The following ITGB2 variants were observed in gnomAD, a reference collection of about 807,000 sequenced individuals.
ITGB2 encodes the protein integrin subunit beta 2, also known as integrin beta-2.
In ITGB2, 56 loss-of-function variants were observed where a neutral mutation model predicts 86.8. The observed-to-expected ratio is 0.65, with a 90% CI of 0.52 to 0.81. The LOEUF (loss-of-function observed/expected upper bound fraction) is 0.81, where lower values mean the gene tolerates loss of function less well. Ranked by LOEUF, ITGB2 falls within the 30% of genes least tolerant of loss-of-function variation. The pLI is 0.00. For missense variants in ITGB2, 948 were observed against 1,061.2 expected (o/e 0.89, Z 1.48); for synonymous variants, 457 against 450.4 (o/e 1.01, Z -0.19).
Position 44,889,259 on chromosome 21 carries a change from GCTC to G in ITGB2, c.1877+14_1877+16del. On this transcript the variant is annotated intron_variant, in intron 13 of 15. Coordinates refer to ENST00000652462, the MANE Select transcript of ITGB2 (RefSeq NM_000211.5). Reference sequence around the variant, plus strand: ...GTGGGGATCCCTGCCCGCCCTGCCTGCTCCGCCTGCACTCACATGTACTTGCCA... The same window carrying G: ...GTGGGGATCCCTGCCCGCCCTGCCTGCGCCTGCACTCACATGTACTTGCCA... The G allele has an allele frequency of 6.2e-7, 1 of 1,610,788 alleles. No homozygotes were observed. The highest frequency in any genetic ancestry group is 8.5e-7 in the Non-Finnish European group (1 of 1,178,446).
At position 44,891,808 on chromosome 21, in the gene ITGB2, C is replaced by G; in HGVS notation, c.1412+1G>C. ...TCAACAGGGACCTGCGCCCGCCTCA[C>G]CTGCAGATGCCGCACTCCAAGAAGC... On this transcript the variant is annotated splice_donor_variant, in intron 11 of 15. Transcript: ENST00000652462. LOFTEE classifies it high-confidence loss of function. 1 of 1,604,228 alleles carries G rather than the reference C, an allele frequency of 6.2e-7. No individual in the cohort carries two copies. The highest frequency in any genetic ancestry group is 8.5e-7 in the Non-Finnish European group (1 of 1,179,930).
chr21:44,893,611 C>A lies in ITGB2; in HGVS notation c.1084-67G>T, dbSNP rs921109570. On this transcript the variant is annotated intron_variant, in intron 9 of 15. Transcript: ENST00000652462. ...GTTGTCCTGGCCCTGCCTGGCCCAG[C>A]GGTTTAGACCCGTCTCCACTTCTCC... The A allele has an allele frequency of 5.6e-6, 9 of 1,594,024 alleles. No homozygotes were observed. The South Asian group carries it at 7.8e-5, about 14-fold the overall frequency.
chr21:44,887,352 G>A (rs561628610), intron 14 of ITGB2, among the ~76,000 whole-genome samples: 4 of 152,266 alleles, frequency 2.6e-5, no homozygotes, highest in African/African-American at 7.2e-5. Flanking sequence ...AGGTGAGGCC[G>A]GTGCCAGGAT....
At chr21:44,890,505 T>C (rs1297790918) in intron 11 of ITGB2, among the ~76,000 whole-genome samples, 1 of 152,172 alleles carries the variant, frequency 6.6e-6, no homozygotes, top group Non-Finnish European at 1.5e-5. Flanking sequence ...GTTGCAGCCA[T>C]GCACATGGCC....
intron 8 of ITGB2, among the ~76,000 whole-genome samples, chr21:44,896,629 C>T (rs1008439301): frequency 3.3e-5 from 5 of 152,212 alleles, no homozygotes; most frequent in African/African-American, 1.2e-4. Context: ...CACTTCCATC[C>T]GTCCCAGTCT....
chr21:44,899,407 G>A (rs990269527), intron 7 of ITGB2, among the ~76,000 whole-genome samples: 1 of 152,234 alleles, frequency 6.6e-6, no homozygotes, highest in South Asian at 2.1e-4. Context: ...GCGTCTCACC[G>A]TGGGACTGGG....
Position 44,889,371 on chromosome 21 carries a change from G to A in ITGB2, c.1782C>T (p.Gly594=). 6.2e-7 allele frequency: 1 copy of A among 1,612,812 alleles called. No homozygotes were observed. The part of the protein sequence containing the change: ...NPRRVECSGR[G]RCRCNVCECH... ...ACTCGCATACGTTGCAGCGGCACCG[G>A]CCACGACCACTACACTCAACACGCC... Residue 594 remains glycine, a synonymous_variant, in exon 13 of 16, where the codon GGC becomes GGT. Coordinates refer to ENST00000652462, the MANE Select transcript of ITGB2 (RefSeq NM_000211.5).
At chr21:44,925,146 T>C (rs1228055828), upstream of ITGB2, among the ~76,000 whole-genome samples, 1 of 151,886 alleles carries the variant, frequency 6.6e-6, no homozygotes, top group African/African-American at 2.4e-5. Context: ...TCTTTTTTTT[T>C]TTTTTAAAGG....
At chr21:44,888,393 C>T (rs369601395) in intron 14 of ITGB2, among the ~76,000 whole-genome samples, 12 of 152,260 alleles carry the variant, frequency 7.9e-5, no homozygotes, top group Admixed American at 2.6e-4. Context: ...TGGCCCGGGC[C>T]GTGTGGCATG....
intron 4 of ITGB2, among the ~76,000 whole-genome samples, 167 bp from the exon 5 acceptor site, chr21:44,903,702 G>A (rs562714826): frequency 6.6e-6 from 1 of 152,168 alleles, no homozygotes; most frequent in Non-Finnish European, 1.5e-5. Context: ...ACCAGACACA[G>A]GACATCCAGG....
rs1568906637 is a variant in ITGB2 at position 44,915,781 on chromosome 21, C to CGG, written c.-3-4998_-3-4997dup. ...CAGGTCAGATCAAATAGGAACAAGT[C>CGG]GGAGCAGAGAGGATGCAGGAAAACC... On this transcript the variant is annotated intron_variant, in intron 1 of 15. Transcript: ENST00000652462. Among the ~76,000 whole-genome samples, 5 of 152,254 alleles carry CGG rather than the reference C, an allele frequency of 3.3e-5. No individual in the cohort carries two copies. In the South Asian group the frequency reaches 1.0e-3, roughly 32 times the overall value.
At chr21:44,916,097 A>G (rs1601330220) in intron 1 of ITGB2, among the ~76,000 whole-genome samples, 3 of 152,058 alleles carry the variant, frequency 2.0e-5, no homozygotes, top group Admixed American at 2.0e-4. Flanking sequence ...TAATTTTTGT[A>G]TTTTTAGTAG....
intron 9 of ITGB2, chr21:44,894,056 T>G: frequency 4.1e-6 from 1 of 245,204 alleles, no homozygotes; most frequent in East Asian, 9.8e-5. Flanking sequence ...CAGACGGAAA[T>G]TGAGAGGAGG....
chr21:44,889,169 C>T, intron 13 of ITGB2, 107 bp downstream of exon 13: 2 of 1,108,432 alleles, frequency 1.8e-6, no homozygotes, highest in Non-Finnish European at 2.7e-6. Context: ...GCAGAGAACC[C>T]CGCGGTGCAG....
At chr21:44,903,598 G>T (rs561789289) in intron 4 of ITGB2, 63 bp from the exon 5 acceptor site, 1 of 1,591,940 alleles carries the variant, frequency 6.3e-7, no homozygotes, top group Non-Finnish European at 8.6e-7. Context: ...GTCTGGGGGC[G>T]TGTGGCCCCG....
intron 1 of ITGB2, among the ~76,000 whole-genome samples, chr21:44,914,985 A>G (rs1334706257): frequency 6.6e-6 from 1 of 151,914 alleles, no homozygotes; most frequent in East Asian, 1.9e-4. Context: ...CAGCAGAGAG[A>G]GGGCAGAGCC....
chr21:44,921,527 C>T (rs1359953400), upstream of ITGB2, among the ~76,000 whole-genome samples: 1 of 151,200 alleles, frequency 6.6e-6, no homozygotes, highest in East Asian at 1.9e-4. Context: ...TAACTAGGGA[C>T]ATTAGGAGGA....
At chr21:44,894,755 A>G in intron 9 of ITGB2, 1 of 610,244 alleles carries the variant, frequency 1.6e-6, no homozygotes, top group Non-Finnish European at 3.0e-6. Context: ...AGCATCGCCC[A>G]CAACATCAAC....
chr21:44,891,947 G>A lies in ITGB2; in HGVS notation c.1274C>T (p.Ser425Leu), dbSNP rs375122306. The change falls in exon 11 of 16, where the codon TCG becomes TTG. Residue 425 changes from serine to leucine, a missense_variant. Transcript: ENST00000652462. Reference protein sequence around the residue: ...VTATECIQEQSFVIRALGFTD... With the variant: ...VTATECIQEQLFVIRALGFTD... ...GAAGCCCAGCGCCCGGATGACAAAC[G>A]ACTGCTCCTGGATGCACTCTGTGGC... is the stretch of plus-strand genomic sequence containing the variant. 8.5e-5 allele frequency: 137 copies of A among 1,613,230 alleles called. No individual in the cohort carries two copies. Among genetic ancestry groups the A allele is most frequent in the Middle Eastern group, 1.6e-4 (1 of 6,082 alleles).
Sources: allele counts gnomAD v4.1 joint callset (sites outside exome capture counted in the v4.1 genomes callset), GRCh38; gene constraint gnomAD v4.1.1; transcripts MANE v1.5; gene names NCBI Gene and HGNC (gene_info 2026-07-23, HGNC 2026-07-21).